Variants in PPP1R12A observed in about 807,000 individuals in gnomAD.
The protein encoded by PPP1R12A is protein phosphatase 1 regulatory subunit 12A, also known as myosin binding subunit.
A neutral mutation model predicts 139.6 loss-of-function variants in PPP1R12A; 19 were observed. The ratio of observed to expected loss-of-function variants is 0.14; its 90% CI spans 0.09 to 0.20. The LOEUF is 0.20. PPP1R12A is among the 10% of genes least tolerant of loss of function. PPP1R12A has a pLI of 1.00. For synonymous variants in PPP1R12A, 427 were observed against 420.6 expected, an observed-to-expected ratio of 1.02 and a Z score of -0.19; for missense variants, 925 against 1,211.5, an observed-to-expected ratio of 0.76 and a Z score of 3.51.
intron 1 of PPP1R12A, among the ~76,000 whole-genome samples, chr12:79,906,565 G>A (rs1048960021): frequency 6.6e-6 from 1 of 151,930 alleles, no homozygotes; most frequent in Non-Finnish European, 1.5e-5. Flanking sequence ...GCTTTAAATT[G>A]CTTATTGTAC....
intron 24 of PPP1R12A, chr12:79,777,196 C>G: frequency 2.2e-6 from 2 of 914,460 alleles, no homozygotes; most frequent in South Asian, 5.1e-5. Context: ...TTGGTTTTCT[C>G]TCTAGTAAAG....
chr12:79,808,952 T>TA (rs1191781476), intron 10 of PPP1R12A, among the ~76,000 whole-genome samples: 1 of 152,194 alleles, frequency 6.6e-6, no homozygotes, highest in Non-Finnish European at 1.5e-5. Flanking sequence ...CAAGCATTTA[T>TA]ATTATATAAG....
intron 1 of PPP1R12A, among the ~76,000 whole-genome samples, chr12:79,918,960 A>G (rs1887217223): frequency 6.6e-6 from 1 of 152,104 alleles, no homozygotes. Flanking sequence ...TACTAAAAAT[A>G]CAAAAATTAG....
At chr12:79,787,897 C>T (rs1389192836) in intron 21 of PPP1R12A, 5 of 152,166 alleles carry the variant, frequency 3.3e-5, no homozygotes, top group Non-Finnish European at 4.4e-5. Context: ...ATTTATTATA[C>T]AGTCATTAGT....
At chr12:79,867,845 G>C (rs987777034) in intron 2 of PPP1R12A, among the ~76,000 whole-genome samples, 1 of 152,068 alleles carries the variant, frequency 6.6e-6, no homozygotes, top group Admixed American at 6.6e-5. Flanking sequence ...TCCCCCCTTT[G>C]CTTGGCACTT....
chr12:79,926,704 A>AC (rs1280238606), intron 1 of PPP1R12A, among the ~76,000 whole-genome samples: 2 of 150,832 alleles, frequency 1.3e-5, no homozygotes. Flanking sequence ...TTTATTGTGT[A>AC]CCTACTAAAA....
intron 2 of PPP1R12A, among the ~76,000 whole-genome samples, chr12:79,851,643 G>A (rs1487416051): frequency 1.3e-5 from 2 of 152,138 alleles, no homozygotes; most frequent in African/African-American, 4.8e-5. Flanking sequence ...GAGTTTGCTA[G>A]GTTTCTTAAA....
At chr12:79,814,153 G>C (rs1213257384) in intron 9 of PPP1R12A, among the ~76,000 whole-genome samples, 1 of 152,040 alleles carries the variant, frequency 6.6e-6, no homozygotes, top group Non-Finnish European at 1.5e-5. Flanking sequence ...GAAAATAACA[G>C]GTTTTAAAAG....
chr12:79,922,261 C>A (rs147363605), intron 1 of PPP1R12A, among the ~76,000 whole-genome samples: 77 of 151,934 alleles, frequency 5.1e-4, no homozygotes, highest in African/African-American at 1.7e-3. Context: ...GACCCCATCT[C>A]AAAACAAAAC....
At chr12:79,820,976 T>A in intron 7 of PPP1R12A, 45 bp from the exon 8 acceptor site, 5 of 1,605,356 alleles carry the variant, frequency 3.1e-6, no homozygotes, top group Non-Finnish European at 4.3e-6. Flanking sequence ...ATACAAAAGG[T>A]TAAAATATAT....
intron 1 of PPP1R12A, among the ~76,000 whole-genome samples, chr12:79,878,783 C>G (rs1315437472): frequency 6.6e-6 from 1 of 152,158 alleles, no homozygotes; most frequent in Non-Finnish European, 1.5e-5. Flanking sequence ...ATGGGGGTAA[C>G]TGCCCCCATG....
chr12:79,911,611 T>A (rs1378290495), intron 1 of PPP1R12A, among the ~76,000 whole-genome samples: 1 of 152,160 alleles, frequency 6.6e-6, no homozygotes, highest in African/African-American at 2.4e-5. Flanking sequence ...GGTTTTTTTT[T>A]AAGACTTAAA....
chr12:79,907,130 T>C (rs1592809668), intron 1 of PPP1R12A, among the ~76,000 whole-genome samples: 1 of 152,042 alleles, frequency 6.6e-6, no homozygotes, highest in Non-Finnish European at 1.5e-5. Context: ...AAGAGGCAGG[T>C]GGGAAAGGTA....
At chr12:79,933,594 C>G (rs975576045) in intron 1 of PPP1R12A, among the ~76,000 whole-genome samples, 13 of 152,316 alleles carry the variant, frequency 8.5e-5, no homozygotes, top group African/African-American at 3.1e-4. Flanking sequence ...TACAGTTATT[C>G]CAAGTTGCCC....
intron 23 of PPP1R12A, chr12:79,780,710 A>T (rs1870337872): frequency 6.6e-6 from 1 of 152,168 alleles, no homozygotes; most frequent in African/African-American, 2.4e-5. Context: ...TGGAGATAAA[A>T]TTCAGTAACA....
intron 22 of PPP1R12A, among the ~76,000 whole-genome samples, chr12:79,783,591 G>A (rs1870752186): frequency 6.6e-6 from 1 of 151,754 alleles, no homozygotes; most frequent in South Asian, 2.1e-4. Flanking sequence ...CACCACGTGA[G>A]GATTTAAAAA....
intron 19 of PPP1R12A, among the ~76,000 whole-genome samples, chr12:79,790,785 C>CA (rs1301336634): frequency 6.6e-6 from 1 of 152,142 alleles, no homozygotes; most frequent in African/African-American, 2.4e-5. Context: ...TAAGGTAAAA[C>CA]AGTCTTACTG....
chr12:79,809,226 T>C (rs1466655260), intron 10 of PPP1R12A, among the ~76,000 whole-genome samples: 1 of 151,990 alleles, frequency 6.6e-6, no homozygotes, highest in Admixed American at 6.6e-5. Context: ...GAAAGAAAAC[T>C]GTATGGGCAA....
chr12:79,821,409 A>G (rs1228378784), intron 6 of PPP1R12A, among the ~76,000 whole-genome samples: 2 of 152,134 alleles, frequency 1.3e-5, no homozygotes, highest in Non-Finnish European at 2.9e-5. Context: ...CTTTACTGAA[A>G]AAGTCGAGAT....
Sources: allele counts gnomAD v4.1 joint callset (sites outside exome capture counted in the v4.1 genomes callset), GRCh38; gene constraint gnomAD v4.1.1; transcripts MANE v1.5; gene names NCBI Gene and HGNC (gene_info 2026-07-23, HGNC 2026-07-21).